The following INPP4A variants were observed in gnomAD, a reference collection of about 807,000 sequenced individuals.
INPP4A encodes the protein inositol polyphosphate-4-phosphatase type I A.
Under a neutral mutation model 119.8 loss-of-function variants are expected in INPP4A, and 33 were observed. The ratio of observed to expected loss-of-function variants is 0.28; its 90% CI spans 0.21 to 0.37. The LOEUF is 0.37. INPP4A is among the 10% of genes least tolerant of loss of function. The pLI is 1.00. For synonymous variants in INPP4A, 496 were observed against 500.7 expected (o/e 0.99, Z 0.12); for missense variants, 956 against 1,289.9 (o/e 0.74, Z 3.97).
intron 16 of INPP4A, among the ~76,000 whole-genome samples, chr2:98,558,837 T>A (rs1457384007): frequency 6.6e-6 from 1 of 152,236 alleles, no homozygotes; most frequent in Non-Finnish European, 1.5e-5. Flanking sequence ...AAAGTGGTAT[T>A]CTTTGAGGAC....
At chr2:98,506,341 G>T (rs1346161546) in intron 1 of INPP4A, among the ~76,000 whole-genome samples, 1 of 152,272 alleles carries the variant, frequency 6.6e-6, no homozygotes, top group Non-Finnish European at 1.5e-5. Context: ...TTCTGCTGCT[G>T]CTGCTGACCT....
At chr2:98,584,523 C>A (rs923243247) in intron 24 of INPP4A, among the ~76,000 whole-genome samples, 3 of 152,250 alleles carry the variant, frequency 2.0e-5, no homozygotes, top group African/African-American at 7.2e-5. Flanking sequence ...AAGCTGCGGC[C>A]AGGCCGAGGA....
chr2:98,450,309 G>A (rs1358624127), intron 1 of INPP4A, among the ~76,000 whole-genome samples: 4 of 152,160 alleles, frequency 2.6e-5, no homozygotes, highest in Non-Finnish European at 5.9e-5. Context: ...TCACAGGATT[G>A]AAAAATGAAA....
intron 24 of INPP4A, chr2:98,581,434 T>C: frequency 1.3e-6 from 1 of 755,124 alleles, no homozygotes; most frequent in Non-Finnish European, 1.9e-6. Context: ...CTTCATTTCA[T>C]TTTTTTTTAA....
chr2:98,561,599 G>A (rs1279239367), intron 17 of INPP4A, among the ~76,000 whole-genome samples: 3 of 152,056 alleles, frequency 2.0e-5, no homozygotes, highest in East Asian at 3.9e-4. Flanking sequence ...CTAATGTAGC[G>A]AAGCAATCGT....
At chr2:98,455,718 C>A (rs141121435) in intron 1 of INPP4A, among the ~76,000 whole-genome samples, 1 of 152,324 alleles carries the variant, frequency 6.6e-6, no homozygotes, top group Non-Finnish European at 1.5e-5. Context: ...CACACACATA[C>A]AAGTGTCTAT....
In INPP4A at chr2:98,591,027, CCT is replaced by C. The variant is rs564499834; in HGVS notation, c.*3420_*3421del. On this transcript the variant is annotated 3_prime_UTR_variant, in exon 25 of 25. Coordinates refer to ENST00000409851, the MANE Select transcript of INPP4A (RefSeq NM_001134225.2). Reference sequence around the variant, plus strand: ...GTTTTTAATATACAATGTATTAGCCCCTGTCATATGTTGCACACTTTTTAACC... The same window carrying C: ...GTTTTTAATATACAATGTATTAGCCCGTCATATGTTGCACACTTTTTAACC... 79 of 225,360 alleles carry C rather than the reference CCT, an allele frequency of 3.5e-4. No homozygotes were observed. Among genetic ancestry groups the C allele is most frequent in the African/African-American group, 1.7e-3 (76 of 44,976 alleles). 14.0% of individuals were successfully genotyped at this position (225,360 alleles called of 1,614,324 possible).
intron 10 of INPP4A, among the ~76,000 whole-genome samples, chr2:98,540,183 C>T (rs1219768929): frequency 1.3e-5 from 2 of 152,342 alleles, no homozygotes; most frequent in Middle Eastern, 3.4e-3. Flanking sequence ...CCACCCACCT[C>T]GGCCTCCCAA....
intron 1 of INPP4A, among the ~76,000 whole-genome samples, chr2:98,475,487 T>A (rs968084240): frequency 1.3e-5 from 2 of 152,198 alleles, no homozygotes; most frequent in Non-Finnish European, 2.9e-5. Context: ...AGAGGGAGCA[T>A]AAGCCTTGGA....
chr2:98,512,081 G>A (rs1332455070), intron 1 of INPP4A, among the ~76,000 whole-genome samples: 1 of 152,208 alleles, frequency 6.6e-6, no homozygotes, highest in Non-Finnish European at 1.5e-5. Flanking sequence ...CTCAGGGGAG[G>A]TTAGGAAAAG....
chr2:98,565,852 A>G (rs1186800883), intron 20 of INPP4A, 86 bp downstream of exon 20: 1 of 1,557,462 alleles, frequency 6.4e-7, no homozygotes, highest in African/African-American at 1.4e-5. Flanking sequence ...TGAATTTTTT[A>G]TCCTATTTCA....
intron 1 of INPP4A, among the ~76,000 whole-genome samples, chr2:98,464,800 C>A (rs898055937): frequency 6.6e-6 from 1 of 152,208 alleles, no homozygotes; most frequent in African/African-American, 2.4e-5. Flanking sequence ...GAAGACAAGG[C>A]CTGTGGCAGT....
At position 98,588,935 on chromosome 2, in the gene INPP4A, A is replaced by G. The variant is rs923409005; in HGVS notation, c.*1327A>G. On this transcript the variant is annotated 3_prime_UTR_variant, in exon 25 of 25. Transcript: ENST00000409851. ...AATTCTTTTGTCTAAAAGCCTAGAGATTCTTCTGGTTCCTTTAGAAACATG... is the reference window on the plus strand; with the variant it reads ...AATTCTTTTGTCTAAAAGCCTAGAGGTTCTTCTGGTTCCTTTAGAAACATG... 10 of 193,092 alleles carry G rather than the reference A, an allele frequency of 5.2e-5. No homozygotes were observed. Among genetic ancestry groups the G allele is most frequent in the African/African-American group, 2.3e-4 (10 of 43,086 alleles). 12.0% of individuals were successfully genotyped at this position (193,092 alleles called of 1,614,324 possible).
chr2:98,460,384 G>C (rs1014419451), intron 1 of INPP4A, among the ~76,000 whole-genome samples: 19 of 152,104 alleles, frequency 1.2e-4, no homozygotes, highest in African/African-American at 4.3e-4. Flanking sequence ...CAATGCATCA[G>C]GAAGGAGGCT....
At chr2:98,584,832 G>T (rs1243898254) in intron 24 of INPP4A, among the ~76,000 whole-genome samples, 1 of 152,220 alleles carries the variant, frequency 6.6e-6, no homozygotes, top group Admixed American at 6.5e-5. Context: ...GAATTTTAAT[G>T]TCACTAAGGC....
At chr2:98,470,045 G>A (rs1199801613) in intron 1 of INPP4A, among the ~76,000 whole-genome samples, 3 of 152,232 alleles carry the variant, frequency 2.0e-5, no homozygotes, top group Admixed American at 1.3e-4. Flanking sequence ...GCCAACGCAC[G>A]TGACCTCCTG....
chr2:98,469,531 G>A (rs1295195128), intron 1 of INPP4A, among the ~76,000 whole-genome samples: 4 of 151,214 alleles, frequency 2.6e-5, no homozygotes, highest in African/African-American at 4.9e-5. Flanking sequence ...GGCCGGGTGC[G>A]GTGGCTCATG....
intron 1 of INPP4A, among the ~76,000 whole-genome samples, chr2:98,477,538 G>A (rs895883447): frequency 6.6e-6 from 1 of 152,192 alleles, no homozygotes; most frequent in Non-Finnish European, 1.5e-5. Flanking sequence ...CCTCAATGTC[G>A]GCGAGTCTTG....
At chr2:98,498,858 A>T (rs1195438356) in intron 1 of INPP4A, among the ~76,000 whole-genome samples, 1 of 152,242 alleles carries the variant, frequency 6.6e-6, no homozygotes. Flanking sequence ...AGGTGACTGT[A>T]AGCCAAAGAG....
Sources: gnomAD v4.1 joint callset for allele counts (sites outside exome capture counted in the v4.1 genomes callset) on GRCh38, gnomAD v4.1.1 for gene constraint, MANE v1.5 for transcripts, NCBI Gene and HGNC (gene_info 2026-07-23, HGNC 2026-07-21) for gene names.